SYS1: variants seen among roughly 807,000 people sequenced by gnomAD.
SYS1 encodes SYS1 golgi trafficking protein.
A neutral mutation model predicts 17.8 loss-of-function variants in SYS1; 8 were observed. The observed-to-expected ratio is 0.45, with a 90% CI of 0.26 to 0.81. The LOEUF is 0.81. Ranked by LOEUF, SYS1 falls within the 40% of genes least tolerant of loss-of-function variation. SYS1 has a pLI of 0.16. For synonymous variants in SYS1, 95 were observed against 90.9 expected, an observed-to-expected ratio of 1.05 and a Z score of -0.26; for missense variants, 161 against 203.9, an observed-to-expected ratio of 0.79 and a Z score of 1.28.
downstream of SYS1, among the ~76,000 whole-genome samples, chr20:45,370,249 T>C (rs1233228957): frequency 6.6e-6 from 1 of 152,132 alleles, no homozygotes; most frequent in African/African-American, 2.4e-5. Flanking sequence ...TTTCAGATGA[T>C]CTTAGGAATG....
In SYS1 at chr20:45,375,432, CTCTTTTT is replaced by C. The variant is rs759440259; in HGVS notation, c.*1143_*1149del. On this transcript the variant is annotated 3_prime_UTR_variant, in exon 4 of 4. Coordinates refer to the SYS1 transcript ENST00000426004. The stretch of plus-strand genomic sequence containing the variant: ...GCACCTGGGACTTCCACTCCTTGTA[CTCTTTTT>C]TCTTAGGGTCCCCTGTGGACTCTAA... 1.4e-5 allele frequency: 22 copies of C among 1,614,054 alleles called. No individual in the cohort carries two copies. In the Admixed American group the frequency reaches 3.7e-4, roughly 27 times the overall value.
downstream of SYS1, chr20:45,373,779 G>C: frequency 1.2e-6 from 1 of 843,334 alleles, no homozygotes; most frequent in South Asian, 1.5e-5. Context: ...GCCTCGGGGT[G>C]GGGGTGGGGG....
Position 45,367,678 on chromosome 20 carries a change from C to T in SYS1, c.*563C>T. On this transcript the variant is annotated 3_prime_UTR_variant, in exon 4 of 4. Transcript: ENST00000243918. ...GGATGGCAGATGGAGGCATCAAGCA[C>T]AAGGAAAATGCACAACCTGTGCCCT... 1 of 990,992 alleles carries T rather than the reference C, an allele frequency of 1.0e-6. No homozygotes were observed. The highest frequency in any genetic ancestry group is 1.2e-6 in the Non-Finnish European group (1 of 833,030). 61.4% of individuals were successfully genotyped at this position (990,992 alleles called of 1,614,324 possible).
chr20:45,364,841 C>T (rs1309766315), intron 2 of SYS1, among the ~76,000 whole-genome samples: 2 of 152,186 alleles, frequency 1.3e-5, no homozygotes, highest in Non-Finnish European at 2.9e-5. Flanking sequence ...CTGTGTTAGC[C>T]CTTGGGCAAG....
intron 3 of SYS1, among the ~76,000 whole-genome samples, chr20:45,366,034 C>T (rs1191846086): frequency 6.6e-6 from 1 of 152,158 alleles, no homozygotes. Flanking sequence ...TGCCATGGGC[C>T]TCAGGCTCCT....
At chr20:45,374,210 G>T in intron 3 of SYS1, 1 of 679,360 alleles carries the variant, frequency 1.5e-6, no homozygotes, top group South Asian at 1.6e-5. Flanking sequence ...ATTCTCCCAC[G>T]AAAGGGCTGC....
In SYS1 at chr20:45,367,288, A is replaced by G. The variant is rs933322157; in HGVS notation, c.*173A>G. On this transcript the variant is annotated 3_prime_UTR_variant, in exon 4 of 4. Coordinates refer to ENST00000243918, the MANE Select transcript of SYS1 (RefSeq NM_033542.4). Reference sequence around the variant, plus strand: ...TCAAAGAAGGCAGGTAGCAGTCAGCATGACAGCTGCAAGAATGACCTCTGT... The same window carrying G: ...TCAAAGAAGGCAGGTAGCAGTCAGCGTGACAGCTGCAAGAATGACCTCTGT... 16 of 1,435,120 alleles carry G rather than the reference A, an allele frequency of 1.1e-5. No homozygotes were observed. In the African/African-American group the frequency reaches 2.3e-4, roughly 21 times the overall value. The allele number at this position is 1,435,120 out of a possible 1,614,324, so 88.9% of individuals were successfully genotyped here.
chr20:45,376,071 C>T (rs1230541111), exon 4 of SYS1: 1 of 152,646 alleles, frequency 6.6e-6, no homozygotes, highest in Non-Finnish European at 1.5e-5. Context: ...CATGGTGAGA[C>T]TCTGTCTCCA....
chr20:45,367,686 A>C lies in SYS1; in HGVS notation c.*571A>C. 6.1e-6 allele frequency: 6 copies of C among 990,772 alleles called. No individual in the cohort carries two copies. The highest frequency in any genetic ancestry group is 7.2e-6 in the Non-Finnish European group (6 of 832,936). The allele number at this position is 990,772 out of a possible 1,614,324, so 61.4% of individuals were successfully genotyped here. A position where few individuals can be genotyped will look rare whatever the true frequency, so the allele number is the denominator to read the frequency against. On this transcript the variant is annotated 3_prime_UTR_variant, in exon 4 of 4. Coordinates refer to ENST00000243918, the MANE Select transcript of SYS1 (RefSeq NM_033542.4). ...GATGGAGGCATCAAGCACAAGGAAAATGCACAACCTGTGCCCTGTTATACA... is the reference window on the plus strand; with the variant it reads ...GATGGAGGCATCAAGCACAAGGAAACTGCACAACCTGTGCCCTGTTATACA...
Position 45,369,008 on chromosome 20 carries a change from C to A in SYS1, c.*1893C>A. The A allele has an allele frequency of 2.2e-6, 1 of 462,748 alleles. No homozygotes were observed. Among genetic ancestry groups the A allele is most frequent in the Non-Finnish European group, 2.8e-6 (1 of 351,810 alleles). 28.7% of individuals were successfully genotyped at this position (462,748 alleles called of 1,614,324 possible). A position where few individuals can be genotyped will look rare whatever the true frequency, so the allele number is the denominator to read the frequency against. On this transcript the variant is annotated 3_prime_UTR_variant, in exon 4 of 4. Coordinates refer to ENST00000243918, the MANE Select transcript of SYS1 (RefSeq NM_033542.4). The stretch of plus-strand genomic sequence containing the variant: ...GATTTTTAGAAATGGCCAAAAGTCA[C>A]GTGATCCAAACTTTTTTTCAGTAAT...
Position 45,368,795 on chromosome 20 carries a change from A to C in SYS1, c.*1680A>C, listed in dbSNP as rs1450003182. On this transcript the variant is annotated 3_prime_UTR_variant, in exon 4 of 4. Coordinates refer to ENST00000243918, the MANE Select transcript of SYS1 (RefSeq NM_033542.4). Reference sequence around the variant, plus strand: ...TAATCAATTTCCCTCTAGACAACACAAACTGCAGGCATGTGACTAACTTTG... The same window carrying C: ...TAATCAATTTCCCTCTAGACAACACCAACTGCAGGCATGTGACTAACTTTG... The C allele has an allele frequency of 1.0e-6, 1 of 985,290 alleles. No individual in the cohort carries two copies. The highest frequency in any genetic ancestry group is 1.2e-6 in the Non-Finnish European group (1 of 829,952). 61.0% of individuals were successfully genotyped at this position (985,290 alleles called of 1,614,324 possible).
chr20:45,374,693 G>A, exon 4 of SYS1: 1 of 424,620 alleles, frequency 2.4e-6, no homozygotes, highest in Non-Finnish European at 4.2e-6. Flanking sequence ...TCCCACATTT[G>A]GAAATCCTTA....
upstream of SYS1, chr20:45,362,091 C>T (rs1988240667): frequency 1.2e-6 from 1 of 854,132 alleles, no homozygotes; most frequent in African/African-American, 1.8e-5. Flanking sequence ...TATTTACTGA[C>T]TGTCCACTAT....
chr20:45,365,592 A>G lies in SYS1; in HGVS notation c.163-27A>G, dbSNP rs146872683. 5.1e-4 allele frequency: 823 copies of G among 1,612,200 alleles called. 4 individuals are homozygous for G. In the African/African-American group the frequency reaches 8.9e-3, roughly 17 times the overall value. Reference sequence around the variant, plus strand: ...GGCTCTGCCAAGTCACTTCTCCAGTATATTTCCATTTGTGATTCCCCCTCA... The same window carrying G: ...GGCTCTGCCAAGTCACTTCTCCAGTGTATTTCCATTTGTGATTCCCCCTCA... On this transcript the variant is annotated intron_variant, in intron 2 of 3. Transcript: ENST00000243918.
upstream of SYS1, chr20:45,363,054 C>G (rs1192539728): frequency 1.0e-6 from 1 of 964,034 alleles, no homozygotes; most frequent in Non-Finnish European, 1.2e-6. Flanking sequence ...AGTTCGCTAT[C>G]CGGCTGCTTG....
At position 45,367,043 on chromosome 20, in the gene SYS1, C is replaced by T. The variant is rs774994371; in HGVS notation, c.399C>T (p.Ile133=). 22 of 1,614,064 alleles carry T rather than the reference C, an allele frequency of 1.4e-5. 1 individual carries two copies. Among genetic ancestry groups the T allele is most frequent in the African/African-American group, 1.1e-4 (8 of 74,916 alleles). ...QAVCIALMAV[I]GEYLCMRTEL... The stretch of plus-strand genomic sequence containing the variant: ...TGTGCATTGCACTCATGGCTGTCAT[C>T]GGGGAGTACCTGTGCATGCGGACGG... The change falls in exon 4 of 4, where the codon ATC becomes ATT. Residue 133 remains isoleucine, a synonymous_variant. Transcript: ENST00000243918.
At chr20:45,373,655 A>G (rs542711255), downstream of SYS1, 1,079 of 543,644 alleles carry the variant, frequency 2.0e-3, 1 homozygote, top group Middle Eastern at 3.0e-3. Flanking sequence ...CTTTGCACCC[A>G]GGAAGCACAC....
chr20:45,366,813 C>T lies in SYS1; in HGVS notation c.231-62C>T. The T allele has an allele frequency of 1.4e-6, 2 of 1,414,390 alleles. 1 individual carries two copies. The highest frequency in any genetic ancestry group is 3.4e-5 in the Admixed American group (2 of 59,264). 87.6% of individuals were successfully genotyped at this position (1,414,390 alleles called of 1,614,324 possible). On this transcript the variant is annotated intron_variant, in intron 3 of 3. Transcript: ENST00000243918. ...TGCTGCCGTCCTAATTGTCCCTACC[C>T]TCCCAAATAACCTAAGGCCAGGACA... is the stretch of plus-strand genomic sequence containing the variant.
Position 45,365,873 on chromosome 20 carries a change from A to G in SYS1, c.230+187A>G, listed in dbSNP as rs145206979. 2,890 of 641,626 alleles carry G rather than the reference A, an allele frequency of 4.5e-3. 19 individuals carry two copies. The highest frequency in any genetic ancestry group is 0.015 in the Middle Eastern group (34 of 2,274). 39.7% of individuals were successfully genotyped at this position (641,626 alleles called of 1,614,324 possible). ...TCCATTGCTGTTTTGACTTACCTGG[A>G]AAGCTCTTATGTCACTATGTTTGTG... On this transcript the variant is annotated intron_variant, in intron 3 of 3. Transcript: ENST00000243918.
Sources: gnomAD v4.1 joint callset for allele counts (sites outside exome capture counted in the v4.1 genomes callset) on GRCh38, gnomAD v4.1.1 for gene constraint, MANE v1.5 for transcripts, NCBI Gene and HGNC (gene_info 2026-07-23, HGNC 2026-07-21) for gene names.